YEATS2: variants seen among roughly 807,000 people sequenced by gnomAD.
The protein encoded by YEATS2 is YEATS domain containing 2.
In YEATS2, 77 loss-of-function variants were observed where a neutral mutation model predicts 163.2. That is an observed-to-expected ratio of 0.47 (90% CI 0.39 to 0.57). The LOEUF (loss-of-function observed/expected upper bound fraction) is 0.57, where lower values mean the gene tolerates loss of function less well. YEATS2 is among the 20% of genes least tolerant of loss of function. The pLI is 0.00. For missense variants in YEATS2, 1,549 were observed against 1,729.8 expected (o/e 0.90, Z 1.85); for synonymous variants, 631 against 645.1 (o/e 0.98, Z 0.33).
At chr3:183,795,926 G>T (rs1047307904) in intron 21 of YEATS2, among the ~76,000 whole-genome samples, 2 of 150,404 alleles carry the variant, frequency 1.3e-5, no homozygotes, top group Non-Finnish European at 2.9e-5. Context: ...CCTTTCCTTA[G>T]CTCAGACCAG....
chr3:183,714,398 G>T (rs1014386539), intron 1 of YEATS2, among the ~76,000 whole-genome samples: 1 of 148,572 alleles, frequency 6.7e-6, no homozygotes, highest in Non-Finnish European at 1.5e-5. Flanking sequence ...GGTTTTCACC[G>T]TGTTATCCAG....
chr3:183,722,468 T>G (rs552865761), intron 5 of YEATS2, among the ~76,000 whole-genome samples: 15 of 152,098 alleles, frequency 9.9e-5, no homozygotes, highest in African/African-American at 3.1e-4. Flanking sequence ...TTTTTATATT[T>G]TTAGTAGAGA....
intron 1 of YEATS2, among the ~76,000 whole-genome samples, chr3:183,707,519 AG>A (rs1714733765): frequency 6.6e-6 from 1 of 152,210 alleles, no homozygotes. Context: ...TATTTAATAA[AG>A]GAACACTGGT....
intron 12 of YEATS2, among the ~76,000 whole-genome samples, chr3:183,758,480 T>C (rs750299085): frequency 6.6e-6 from 1 of 152,234 alleles, no homozygotes; most frequent in East Asian, 1.9e-4. Flanking sequence ...ATCATTATGT[T>C]GTAGTGTCTT....
rs1718370164 is a variant in YEATS2 at position 183,736,622 on chromosome 3, CAG to C, written c.813-95_813-94del. The C allele has an allele frequency of 5.2e-6, 4 of 768,686 alleles. 1 individual carries two copies. The African/African-American group carries it at 5.4e-5, about 10-fold the overall frequency. The allele number at this position is 768,686 out of a possible 1,614,324, so 47.6% of individuals were successfully genotyped here. ...GGAAATCTAAATGATTCTCAGAAGA[CAG>C]TGAATTTCTGATTTATGCATTATCA... On this transcript the variant is annotated intron_variant, in intron 7 of 30. Transcript: ENST00000305135.
chr3:183,783,431 G>C (rs1723764537), intron 19 of YEATS2, among the ~76,000 whole-genome samples: 1 of 152,182 alleles, frequency 6.6e-6, no homozygotes, highest in South Asian at 2.1e-4. Context: ...TTAGATTCAG[G>C]GGGTACATGT....
intron 7 of YEATS2, among the ~76,000 whole-genome samples, chr3:183,733,535 G>GT (rs1718025233): frequency 6.6e-6 from 1 of 152,162 alleles, no homozygotes; most frequent in Non-Finnish European, 1.5e-5. Context: ...GACTATTAAC[G>GT]TATGTCCTAG....
At position 183,775,898 on chromosome 3, in the gene YEATS2, A is replaced by C; in HGVS notation, c.2369-17A>C. ...TGATACTTTTTATGATGTTGCTGTCATTCATTGTATTTTTAGATCTCCAGT... is the reference window on the plus strand; with the variant it reads ...TGATACTTTTTATGATGTTGCTGTCCTTCATTGTATTTTTAGATCTCCAGT... On this transcript the variant is annotated splice_polypyrimidine_tract_variant and intron_variant, in intron 17 of 30. Transcript: ENST00000305135. 1 of 1,611,422 alleles carries C rather than the reference A, an allele frequency of 6.2e-7. No homozygotes were observed. Among genetic ancestry groups the C allele is most frequent in the Non-Finnish European group, 8.5e-7 (1 of 1,179,932 alleles).
chr3:183,803,482 A>C (rs1725888368), intron 26 of YEATS2, 147 bp downstream of exon 26: 1 of 792,810 alleles, frequency 1.3e-6, no homozygotes, highest in African/African-American at 1.7e-5. Context: ...AAAGACCTGT[A>C]TCCAGCTGAC....
At chr3:183,748,258 T>C (rs970967710) in intron 9 of YEATS2, among the ~76,000 whole-genome samples, 10 of 120,282 alleles carry the variant, frequency 8.3e-5, no homozygotes, top group Admixed American at 2.5e-4. Context: ...CTTCCCCTCC[T>C]TTTTTTTTTT....
At chr3:183,771,798 C>T (rs928771154) in intron 15 of YEATS2, among the ~76,000 whole-genome samples, 3 of 147,092 alleles carry the variant, frequency 2.0e-5, no homozygotes, top group East Asian at 4.0e-4. Context: ...ATGATCTTGG[C>T]TCACTGCAAC....
chr3:183,755,667 A>G (rs567634435), intron 11 of YEATS2, among the ~76,000 whole-genome samples: 52 of 148,396 alleles, frequency 3.5e-4, no homozygotes, highest in African/African-American at 1.2e-3. Flanking sequence ...GGTGAATTTC[A>G]TATTTTCCTA....
At chr3:183,715,656 A>C (rs1202825289) in intron 2 of YEATS2, among the ~76,000 whole-genome samples, 5 of 152,216 alleles carry the variant, frequency 3.3e-5, no homozygotes, top group African/African-American at 7.2e-5. Flanking sequence ...ATCTCATCAA[A>C]CTTGTAGTTC....
At chr3:183,719,130 A>G (rs1167625154) in intron 4 of YEATS2, among the ~76,000 whole-genome samples, 1 of 151,950 alleles carries the variant, frequency 6.6e-6, no homozygotes, top group Non-Finnish European at 1.5e-5. Flanking sequence ...CGCATTGTCA[A>G]TAATCCTAAG....
intron 4 of YEATS2, among the ~76,000 whole-genome samples, chr3:183,721,224 C>T (rs1020279798): frequency 2.6e-5 from 4 of 152,180 alleles, no homozygotes; most frequent in Admixed American, 1.3e-4. Context: ...TATTGAAATT[C>T]AAGAACTTTG....
intron 1 of YEATS2, among the ~76,000 whole-genome samples, chr3:183,701,924 C>G (rs1370960075): frequency 1.3e-5 from 2 of 152,142 alleles, no homozygotes. Flanking sequence ...ATAAACAGCC[C>G]TTGCCTAGAA....
chr3:183,744,000 A>G (rs1719244587), intron 8 of YEATS2, among the ~76,000 whole-genome samples: 1 of 151,252 alleles, frequency 6.6e-6, no homozygotes, highest in African/African-American at 2.4e-5. Flanking sequence ...AGGTTGCCTT[A>G]TGACCTCAGA....
At chr3:183,712,214 T>TTATGTTATGTTATGTTATGTTATGTTACG (rs1715312578) in intron 1 of YEATS2, among the ~76,000 whole-genome samples, 11 of 103,140 alleles carry the variant, frequency 1.1e-4, no homozygotes, top group African/African-American at 4.1e-4. Context: ...TTTATTTTAT[T>TTATGTTATGTTATGTTATGTTATGTTACG]TTATTTTATT....
intron 2 of YEATS2, among the ~76,000 whole-genome samples, chr3:183,716,896 T>C (rs1228748436): frequency 6.6e-6 from 1 of 151,956 alleles, no homozygotes; most frequent in Non-Finnish European, 1.5e-5. Flanking sequence ...TATGTTATTT[T>C]GTTTTGTTTG....
Sources: allele counts gnomAD v4.1 joint callset (sites outside exome capture counted in the v4.1 genomes callset), GRCh38; gene constraint gnomAD v4.1.1; transcripts MANE v1.5; gene names NCBI Gene and HGNC (gene_info 2026-07-23, HGNC 2026-07-21).